USP7: variants seen among roughly 807,000 people sequenced by gnomAD.
USP7 encodes the protein ubiquitin C-terminal hydrolase 7.
USP7 carries 9 observed loss-of-function variants against 162.9 expected under a neutral mutation model. That is an observed-to-expected ratio of 0.06 (90% confidence interval 0.03 to 0.10). The LOEUF (loss-of-function observed/expected upper bound fraction) is 0.10. USP7 is among the 10% of genes least tolerant of loss of function. The pLI is 1.00. For synonymous variants in USP7, 562 were observed against 475.9 expected, an observed-to-expected ratio of 1.18 and a Z score of -2.35; for missense variants, 715 against 1,373.7, an observed-to-expected ratio of 0.52 and a Z score of 7.58.
intron 5 of USP7, 37 bp downstream of exon 5, chr16:8,920,322 G>C (rs761195918): frequency 6.4e-7 from 1 of 1,560,058 alleles, no homozygotes; most frequent in Non-Finnish European, 8.8e-7. Context: ...CAGCACAAAA[G>C]ACATTTTTAA....
At chr16:8,901,836 C>T in intron 18 of USP7, 1 of 531,772 alleles carries the variant, frequency 1.9e-6, no homozygotes, top group Non-Finnish European at 3.3e-6. Context: ...TAGCACAGCA[C>T]AGCAGCTGAG....
chr16:8,910,124 G>C (rs555908361), intron 11 of USP7, among the ~76,000 whole-genome samples: 17 of 152,222 alleles, frequency 1.1e-4, no homozygotes, highest in Non-Finnish European at 2.2e-4. Context: ...AATGAGTCAA[G>C]GTTATAAGAT....
intron 25 of USP7, 85 bp from the exon 26 acceptor site, chr16:8,897,184 C>T: frequency 9.3e-7 from 1 of 1,070,648 alleles, no homozygotes; most frequent in Admixed American, 1.9e-5. Flanking sequence ...AAAGTTGCAT[C>T]ATTGTTCTCA....
At chr16:8,961,035 T>C (rs115805100) in intron 1 of USP7, among the ~76,000 whole-genome samples, 2,272 of 152,252 alleles carry the variant, frequency 0.015, 56 homozygotes, top group African/African-American at 0.05. Context: ...GCCATCCAAT[T>C]TGAGATTCTG....
At chr16:8,955,361 C>T (rs186812771) in intron 1 of USP7, among the ~76,000 whole-genome samples, 2 of 152,294 alleles carry the variant, frequency 1.3e-5, no homozygotes, top group East Asian at 1.9e-4. Flanking sequence ...CCTCCCACCT[C>T]GGCCTCCCAA....
intron 7 of USP7, 85 bp from the exon 8 acceptor site, chr16:8,916,641 C>T: frequency 7.7e-7 from 1 of 1,296,764 alleles, no homozygotes; most frequent in Non-Finnish European, 1.1e-6. Context: ...AAAACCTAAA[C>T]TGGATAATCA....
intron 5 of USP7, among the ~76,000 whole-genome samples, chr16:8,919,576 C>T (rs1897568751): frequency 6.6e-6 from 1 of 152,162 alleles, no homozygotes; most frequent in Admixed American, 6.6e-5. Flanking sequence ...CACCAAGTTT[C>T]ACCTCAGACT....
intron 6 of USP7, among the ~76,000 whole-genome samples, chr16:8,917,375 T>A (rs1897429414): frequency 6.6e-6 from 1 of 152,160 alleles, no homozygotes; most frequent in Non-Finnish European, 1.5e-5. Flanking sequence ...CAAAAATAAA[T>A]TTTGAAAATC....
chr16:8,954,362 A>C (rs1005676719), intron 1 of USP7, among the ~76,000 whole-genome samples: 8 of 152,220 alleles, frequency 5.3e-5, no homozygotes, highest in African/African-American at 1.9e-4. Context: ...TGCAACATCC[A>C]AACGTGTTCA....
chr16:8,904,315 G>A, intron 15 of USP7, 120 bp downstream of exon 15: 2 of 1,518,730 alleles, frequency 1.3e-6, no homozygotes, highest in Non-Finnish European at 1.8e-6. Flanking sequence ...TACAGAGATG[G>A]ATGCCCTGCT....
At chr16:8,946,470 A>G (rs1442311392) in intron 1 of USP7, among the ~76,000 whole-genome samples, 1 of 152,216 alleles carries the variant, frequency 6.6e-6, no homozygotes, top group Non-Finnish European at 1.5e-5. Context: ...TATGCTCCAG[A>G]AAGAAGCTGT....
At chr16:8,945,081 A>G (rs529780037) in intron 1 of USP7, among the ~76,000 whole-genome samples, 126 of 152,304 alleles carry the variant, frequency 8.3e-4, no homozygotes, top group Non-Finnish European at 1.3e-3. Context: ...ATGAAACCCC[A>G]TCTGTACTAA....
intron 10 of USP7, among the ~76,000 whole-genome samples, chr16:8,915,016 T>G (rs142900210): frequency 1.1e-4 from 16 of 152,246 alleles, no homozygotes; most frequent in Non-Finnish European, 1.8e-4. Flanking sequence ...GAAGTCCACG[T>G]GGTGGTTTCC....
chr16:8,943,341 T>C (rs577388621), intron 1 of USP7, among the ~76,000 whole-genome samples: 11 of 151,332 alleles, frequency 7.3e-5, no homozygotes, highest in African/African-American at 2.5e-4. Context: ...TGCTTCTACA[T>C]GTATAGTCTG....
At chr16:8,938,570 G>A (rs1354295937) in intron 1 of USP7, among the ~76,000 whole-genome samples, 7 of 151,982 alleles carry the variant, frequency 4.6e-5, no homozygotes, top group Non-Finnish European at 8.8e-5. Context: ...AACTTAGCTG[G>A]GCACGGTGGC....
At chr16:8,914,523 T>G (rs1437617974) in intron 10 of USP7, among the ~76,000 whole-genome samples, 3 of 152,170 alleles carry the variant, frequency 2.0e-5, no homozygotes, top group Non-Finnish European at 2.9e-5. Context: ...ATTTCAAAAT[T>G]TTTGTGGTAT....
At chr16:8,934,191 A>G (rs919285553) in intron 1 of USP7, among the ~76,000 whole-genome samples, 2 of 152,238 alleles carry the variant, frequency 1.3e-5, no homozygotes, top group Non-Finnish European at 2.9e-5. Flanking sequence ...CATTTTCTGT[A>G]CATAAAACTT....
intron 1 of USP7, among the ~76,000 whole-genome samples, chr16:8,951,490 G>A (rs993955378): frequency 9.2e-5 from 14 of 152,206 alleles, no homozygotes; most frequent in African/African-American, 2.4e-4. Context: ...TGAGCCAGCC[G>A]GATTCATGTG....
At chr16:8,937,016 G>T (rs899771681) in intron 1 of USP7, among the ~76,000 whole-genome samples, 1 of 152,064 alleles carries the variant, frequency 6.6e-6, no homozygotes, top group East Asian at 1.9e-4. Flanking sequence ...TGTACATCTA[G>T]AATTACTCCA....
Sources: gnomAD v4.1 joint callset for allele counts (sites outside exome capture counted in the v4.1 genomes callset) on GRCh38, gnomAD v4.1.1 for gene constraint, MANE v1.5 for transcripts, NCBI Gene and HGNC (gene_info 2026-07-23, HGNC 2026-07-21) for gene names.